The following KAZN variants were observed in gnomAD, a reference collection of about 807,000 sequenced individuals.
KAZN encodes the protein kazrin, periplakin interacting protein, also known as kazrin.
KAZN carries 40 observed loss-of-function variants against 87.4 expected under a neutral mutation model. That is an observed-to-expected ratio of 0.46 (90% CI 0.36 to 0.60). The LOEUF is 0.60. Ranked by LOEUF, KAZN falls within the 20% of genes least tolerant of loss-of-function variation. The probability of loss-of-function intolerance (pLI) is 0.00; values close to 1 mark genes in which losing one functional copy is unlikely to be tolerated. For missense variants in KAZN, 898 were observed against 1,073.9 expected, an observed-to-expected ratio of 0.84 and a Z score of 2.29; for synonymous variants, 466 against 458.3, an observed-to-expected ratio of 1.02 and a Z score of -0.22.
intron 1 of KAZN, among the ~76,000 whole-genome samples, chr1:14,839,928 G>A (rs1318132468): frequency 6.6e-6 from 1 of 152,098 alleles, no homozygotes. Context: ...ATAATTCTGG[G>A]GGAGGAAGAG....
intron 2 of KAZN, among the ~76,000 whole-genome samples, chr1:14,274,754 A>T (rs992106672): frequency 7.9e-5 from 12 of 152,122 alleles, no homozygotes; most frequent in African/African-American, 2.9e-4. Context: ...CAATTTCCTC[A>T]AATCTACAAA....
intron 4 of KAZN, among the ~76,000 whole-genome samples, chr1:15,049,547 A>G (rs1288101842): frequency 6.6e-6 from 1 of 151,750 alleles, no homozygotes; most frequent in East Asian, 1.9e-4. Flanking sequence ...GTGCAGAATC[A>G]CCCCAGACTG....
chr1:14,784,079 G>A (rs1645433230), intron 1 of KAZN, among the ~76,000 whole-genome samples: 1 of 152,126 alleles, frequency 6.6e-6, no homozygotes, highest in Non-Finnish European at 1.5e-5. Flanking sequence ...GGTGGGGTTG[G>A]TGAGGCAGGT....
chr1:14,453,850 A>T (rs569398246), intron 2 of KAZN, among the ~76,000 whole-genome samples: 1 of 152,100 alleles, frequency 6.6e-6, no homozygotes, highest in Admixed American at 6.6e-5. Flanking sequence ...GAAAAAAAAA[A>T]TAGTCAATCT....
intron 2 of KAZN, among the ~76,000 whole-genome samples, chr1:14,477,067 C>T (rs554528647): frequency 6.6e-6 from 1 of 152,330 alleles, no homozygotes; most frequent in East Asian, 1.9e-4. Context: ...GCTGTGTCCC[C>T]ACCCAAATCT....
At chr1:14,027,766 G>A (rs1329970223) in intron 1 of KAZN, among the ~76,000 whole-genome samples, 1 of 152,126 alleles carries the variant, frequency 6.6e-6, no homozygotes, top group Non-Finnish European at 1.5e-5. Context: ...TGTGTTTAAT[G>A]TTTCCCTTTT....
chr1:15,021,678 C>A lies in KAZN; in HGVS notation c.419-13071C>A, dbSNP rs143185141. On this transcript the variant is annotated intron_variant, in intron 2 of 14. Transcript: ENST00000376030. This position sits in a 1 kb window ranked among gnomAD's most constrained non-coding sequence, Gnocchi z 4.2. Reference sequence around the variant, plus strand: ...CAGTGTGCCCTGCGTGCAGTTAGCACCCTGAAGCCTGCAGAGGGCCCCTGT... The same window carrying A: ...CAGTGTGCCCTGCGTGCAGTTAGCAACCTGAAGCCTGCAGAGGGCCCCTGT... 6.6e-6 allele frequency among the ~76,000 whole-genome samples: 1 copy of A among 152,256 alleles called. No individual in the cohort carries two copies. Among genetic ancestry groups the A allele is most frequent in the East Asian group, 1.9e-4 (1 of 5,166 alleles).
chr1:14,163,003 A>G (rs560062687), intron 1 of KAZN, among the ~76,000 whole-genome samples: 4 of 151,908 alleles, frequency 2.6e-5, no homozygotes, highest in South Asian at 2.1e-4. Flanking sequence ...CCTTTAGCTT[A>G]TCTCTCTTCT....
Position 14,820,122 on chromosome 1 carries a change from A to G in KAZN, c.227-140562A>G, listed in dbSNP as rs1309591299. 6.6e-6 allele frequency among the ~76,000 whole-genome samples: 1 copy of G among 152,170 alleles called. No homozygotes were observed. The highest frequency in any genetic ancestry group is 1.5e-5 in the Non-Finnish European group (1 of 68,030). On this transcript the variant is annotated intron_variant, in intron 1 of 14. Transcript: ENST00000376030. The surrounding 1 kb of genome is among the most constrained non-coding windows in gnomAD (Gnocchi z 4.1). ...CTGGAGAATTTGTGAATTTATGAAAACAGTTTCCTGGGGCCCTTCCCAAAT... is the reference window on the plus strand; with the variant it reads ...CTGGAGAATTTGTGAATTTATGAAAGCAGTTTCCTGGGGCCCTTCCCAAAT...
intron 2 of KAZN, among the ~76,000 whole-genome samples, chr1:15,023,503 C>G (rs914749706): frequency 2.6e-5 from 4 of 152,004 alleles, no homozygotes; most frequent in Non-Finnish European, 5.9e-5. Flanking sequence ...AGTGCATGGA[C>G]AGCCAGGAGG....
intron 1 of KAZN, among the ~76,000 whole-genome samples, chr1:14,042,922 T>C (rs1398426889): frequency 2.0e-5 from 3 of 152,248 alleles, no homozygotes; most frequent in Admixed American, 2.0e-4. Flanking sequence ...TTTTTTCTTA[T>C]TGTGGTAAAA....
intron 1 of KAZN, among the ~76,000 whole-genome samples, chr1:14,625,727 C>T (rs1478604595): frequency 6.6e-6 from 1 of 152,178 alleles, no homozygotes; most frequent in Non-Finnish European, 1.5e-5. Flanking sequence ...AGGCAATTAG[C>T]AGACATGAAA....
At chr1:14,652,470 C>CCCACCCACCCATCCACCTCTCCAT (rs1638454507) in intron 1 of KAZN, among the ~76,000 whole-genome samples, 1 of 124,512 alleles carries the variant, frequency 8.0e-6, no homozygotes, top group Non-Finnish European at 1.7e-5. Flanking sequence ...TATCCATCCA[C>CCCACCCACCCATCCACCTCTCCAT]CCACCCACCC....
At chr1:14,352,999 C>T (rs1006718591) in intron 2 of KAZN, among the ~76,000 whole-genome samples, 5 of 152,058 alleles carry the variant, frequency 3.3e-5, no homozygotes, top group South Asian at 2.1e-4. Context: ...ATCCACATAA[C>T]TAGGGATAGG....
intron 1 of KAZN, among the ~76,000 whole-genome samples, chr1:14,927,655 C>T (rs1362523681): frequency 1.3e-5 from 2 of 152,164 alleles, no homozygotes; most frequent in Non-Finnish European, 2.9e-5. Context: ...AGACGAGGCA[C>T]TCTACAGGTC....
chr1:14,859,245 C>A (rs550299094), intron 1 of KAZN, among the ~76,000 whole-genome samples: 1 of 151,780 alleles, frequency 6.6e-6, no homozygotes, highest in Non-Finnish European at 1.5e-5. Context: ...TTCTAAGTAA[C>A]CGCTCAGTGC....
At chr1:14,500,517 C>A (rs1670180100) in intron 2 of KAZN, among the ~76,000 whole-genome samples, 1 of 151,678 alleles carries the variant, frequency 6.6e-6, no homozygotes. Context: ...AAATTAATAA[C>A]CTAAACTTCC....
chr1:14,220,343 C>T (rs1647067484), intron 2 of KAZN, among the ~76,000 whole-genome samples: 1 of 152,180 alleles, frequency 6.6e-6, no homozygotes, highest in Non-Finnish European at 1.5e-5. Flanking sequence ...GTGACCTTGC[C>T]AACCCAATTA....
At chr1:14,517,808 T>C (rs998726705) in intron 2 of KAZN, among the ~76,000 whole-genome samples, 4 of 152,240 alleles carry the variant, frequency 2.6e-5, no homozygotes, top group Non-Finnish European at 2.9e-5. Context: ...CATCCAGTTA[T>C]TATTTTTCAA....
Sources: allele counts gnomAD v4.1 joint callset (sites outside exome capture counted in the v4.1 genomes callset), GRCh38; gene constraint gnomAD v4.1.1; non-coding constraint Gnocchi (gnomAD v3.1); transcripts MANE v1.5; gene names NCBI Gene and HGNC (gene_info 2026-07-23, HGNC 2026-07-21).